ACOXL: variants seen among roughly 807,000 people sequenced by gnomAD.
The protein encoded by ACOXL is acyl-CoA oxidase like.
A neutral mutation model predicts 71.9 loss-of-function variants in ACOXL; 70 were observed. That is an observed-to-expected ratio of 0.97 (90% CI 0.80 to 1.19). The LOEUF (loss-of-function observed/expected upper bound fraction) is 1.19. Ranked by LOEUF, ACOXL falls within the 50% of genes most tolerant of loss-of-function variation. ACOXL has a pLI of 0.00. For missense variants in ACOXL, 703 were observed against 736.3 expected (o/e 0.95, Z 0.52); for synonymous variants, 253 against 281.6 (o/e 0.90, Z 1.02).
chr2:110,942,375 T>C lies in ACOXL; in HGVS notation c.1059+8733T>C, dbSNP rs959293810. ...TTAAAAATAAATGGATGGGAAAAGA[T>C]GCACCATGTTAATGCTAGTCAAAAC... On this transcript the variant is annotated intron_variant, in intron 12 of 17. Transcript: ENST00000439055. Among the ~76,000 whole-genome samples the C allele has an allele frequency of 4.6e-5, 7 of 152,198 alleles. No individual in the cohort carries two copies. In the East Asian group the frequency reaches 5.8e-4, roughly 13 times the overall value.
At chr2:111,046,040 G>A (rs2066001974) in intron 15 of ACOXL, among the ~76,000 whole-genome samples, 1 of 152,250 alleles carries the variant, frequency 6.6e-6, no homozygotes, top group Admixed American at 6.5e-5. Context: ...GGGCAGCCCG[G>A]ACATCTAAAC....
intron 12 of ACOXL, among the ~76,000 whole-genome samples, chr2:110,952,523 G>A (rs1166509625): frequency 2.6e-5 from 4 of 152,104 alleles, no homozygotes; most frequent in African/African-American, 7.2e-5. Context: ...GTGCAGTAGC[G>A]TGATCGTGGC....
At chr2:110,880,486 T>G (rs6542190) in intron 10 of ACOXL, among the ~76,000 whole-genome samples, 45,502 of 152,174 alleles carry the variant, frequency 0.3, 7,241 homozygotes, top group Non-Finnish European at 0.35. Flanking sequence ...TGACACACAC[T>G]TCTGTTTTTA....
intron 16 of ACOXL, among the ~76,000 whole-genome samples, chr2:111,082,991 G>A (rs7575040): frequency 0.99 from 149,789 of 152,024 alleles, 73,807 homozygotes; most frequent in East Asian, 1. Context: ...CAATGAGACC[G>A]CATGGACACA....
intron 1 of ACOXL, among the ~76,000 whole-genome samples, chr2:110,752,723 A>G (rs1679163960): frequency 6.6e-6 from 1 of 152,004 alleles, no homozygotes; most frequent in Non-Finnish European, 1.5e-5. Flanking sequence ...ATGTCCGTCA[A>G]TTTTGTGTGT....
At chr2:110,755,657 A>G (rs957618709) in intron 1 of ACOXL, among the ~76,000 whole-genome samples, 3 of 152,208 alleles carry the variant, frequency 2.0e-5, no homozygotes, top group Non-Finnish European at 4.4e-5. Context: ...TCCAGCTTTA[A>G]TTTATTTATG....
chr2:111,081,631 A>G (rs1325582982), intron 16 of ACOXL, among the ~76,000 whole-genome samples: 1 of 152,204 alleles, frequency 6.6e-6, no homozygotes, highest in Non-Finnish European at 1.5e-5. Context: ...TATCCCCACC[A>G]AGCTACCATT....
At position 111,097,458 on chromosome 2, in the gene ACOXL, A is replaced by G. The variant is rs564872855; in HGVS notation, c.1542+4492A>G. Among the ~76,000 whole-genome samples the G allele has an allele frequency of 1.2e-4, 19 of 152,350 alleles. No homozygotes were observed. The South Asian group carries it at 3.9e-3, about 32-fold the overall frequency. ...TTATTTTATCTGGATAAAAATCACC[A>G]TCAGAACAACAACCACATCCAGCAC... On this transcript the variant is annotated intron_variant, in intron 17 of 17. Coordinates refer to ENST00000439055, the MANE Select transcript of ACOXL (RefSeq NM_001142807.4).
intron 3 of ACOXL, among the ~76,000 whole-genome samples, chr2:110,786,006 T>C (rs1286212389): frequency 1.3e-5 from 2 of 152,330 alleles, no homozygotes; most frequent in South Asian, 2.1e-4. Flanking sequence ...AAGACAATTA[T>C]CTTGCATGTT....
intron 9 of ACOXL, among the ~76,000 whole-genome samples, chr2:110,816,436 A>G (rs1449333617): frequency 6.6e-6 from 1 of 152,364 alleles, no homozygotes; most frequent in East Asian, 1.9e-4. Flanking sequence ...CTTTAGAAAA[A>G]GAAAAACAAG....
intron 1 of ACOXL, among the ~76,000 whole-genome samples, chr2:110,751,092 A>G (rs1191067480): frequency 6.6e-6 from 1 of 151,802 alleles, no homozygotes; most frequent in Middle Eastern, 3.2e-3. Flanking sequence ...AGGTCAGGAG[A>G]TTGAGACCAT....
intron 15 of ACOXL, among the ~76,000 whole-genome samples, chr2:111,046,353 T>C (rs1334064036): frequency 6.6e-6 from 1 of 152,170 alleles, no homozygotes; most frequent in Non-Finnish European, 1.5e-5. Flanking sequence ...CAAACCTGTG[T>C]TGAGACTACT....
At chr2:110,886,863 A>C in intron 10 of ACOXL, 1 of 1,550,738 alleles carries the variant, frequency 6.4e-7, no homozygotes, top group Non-Finnish European at 8.7e-7. Flanking sequence ...TAATTTCCTG[A>C]AAACTGGTTT....
chr2:110,746,209 G>A lies in ACOXL; in HGVS notation c.-23+13435G>A, dbSNP rs112190240. 2.7e-3 allele frequency among the ~76,000 whole-genome samples: 405 copies of A among 152,272 alleles called. 7 individuals carry two copies. The highest frequency in any genetic ancestry group is 9.3e-3 in the African/African-American group (387 of 41,546). On this transcript the variant is annotated intron_variant, in intron 1 of 17. Transcript: ENST00000439055. ...AGCTGAGCAGGGGACTCCGATTGCCGTCCTTCTCTTCATAACAATGCCTTT... is the reference window on the plus strand; with the variant it reads ...AGCTGAGCAGGGGACTCCGATTGCCATCCTTCTCTTCATAACAATGCCTTT...
chr2:110,803,917 A>G (rs149641965), intron 8 of ACOXL, among the ~76,000 whole-genome samples: 1,856 of 152,150 alleles, frequency 0.012, 19 homozygotes, highest in Middle Eastern at 0.031. Flanking sequence ...AAGATGCTCA[A>G]TGTCGTTGCC....
chr2:110,747,530 A>G (rs1269263475), intron 1 of ACOXL, among the ~76,000 whole-genome samples: 1 of 152,168 alleles, frequency 6.6e-6, no homozygotes, highest in African/African-American at 2.4e-5. Context: ...TGTCTCCTAA[A>G]TTCACACTAT....
At chr2:110,939,951 C>G (rs949736693) in intron 12 of ACOXL, among the ~76,000 whole-genome samples, 1 of 152,166 alleles carries the variant, frequency 6.6e-6, no homozygotes, top group Non-Finnish European at 1.5e-5. Context: ...AATTTCCACT[C>G]CCACCAGCAG....
chr2:111,006,201 C>T (rs185248277), intron 14 of ACOXL, among the ~76,000 whole-genome samples: 45 of 152,324 alleles, frequency 3.0e-4, no homozygotes, highest in African/African-American at 9.6e-4. Flanking sequence ...TTCAGAGCAT[C>T]GATGGCTGCC....
chr2:110,843,525 G>A (rs1294430894), intron 10 of ACOXL, among the ~76,000 whole-genome samples: 12 of 152,168 alleles, frequency 7.9e-5, no homozygotes, highest in Non-Finnish European at 1.8e-4. Flanking sequence ...GTGTGGGGTG[G>A]ATCCTGGCGG....
Sources: gnomAD v4.1 joint callset for allele counts (sites outside exome capture counted in the v4.1 genomes callset) on GRCh38, gnomAD v4.1.1 for gene constraint, MANE v1.5 for transcripts, NCBI Gene and HGNC (gene_info 2026-07-23, HGNC 2026-07-21) for gene names.